The following POLQ variants were observed in gnomAD, a reference collection of about 807,000 sequenced individuals.
POLQ encodes DNA polymerase theta, also known as epididymis secretory sperm binding protein.
POLQ carries 233 observed loss-of-function variants against 259.2 expected under a neutral mutation model. The ratio of observed to expected loss-of-function variants is 0.90; its 90% CI spans 0.81 to 1.00. The LOEUF (loss-of-function observed/expected upper bound fraction) is 1.00, where lower values mean the gene tolerates loss of function less well. POLQ is among the 50% of genes least tolerant of loss of function. POLQ has a pLI of 0.00. For synonymous variants in POLQ, 1,025 were observed against 1,048.8 expected (o/e 0.98, Z 0.44); for missense variants, 2,871 against 3,051.6 (o/e 0.94, Z 1.39).
At chr3:121,490,576 T>C in intron 15 of POLQ, 168 bp from the exon 16 acceptor site, 1 of 630,484 alleles carries the variant, frequency 1.6e-6, no homozygotes, top group East Asian at 2.7e-5. Context: ...ATTCAGAAAA[T>C]AAACAAAAAG....
intron 26 of POLQ, among the ~76,000 whole-genome samples, chr3:121,446,082 T>C (rs1371231293): frequency 6.6e-6 from 1 of 152,146 alleles, no homozygotes; most frequent in Non-Finnish European, 1.5e-5. Context: ...CTTATAGCTA[T>C]AAACTTCCTT....
chr3:121,499,433 T>C (rs2048149496), intron 12 of POLQ, among the ~76,000 whole-genome samples: 1 of 152,126 alleles, frequency 6.6e-6, no homozygotes, highest in Non-Finnish European at 1.5e-5. Flanking sequence ...TTTAAATTTT[T>C]TTGGTGAAAC....
intron 20 of POLQ, 70 bp from the exon 21 acceptor site, chr3:121,473,557 A>C (rs1576409437): frequency 2.3e-6 from 3 of 1,331,282 alleles, no homozygotes; most frequent in East Asian, 2.3e-5. Flanking sequence ...AAATATTTTA[A>C]GTTATTTCAG....
At chr3:121,515,878 C>T (rs2048291002) in intron 9 of POLQ, among the ~76,000 whole-genome samples, 1 of 151,600 alleles carries the variant, frequency 6.6e-6, no homozygotes, top group Non-Finnish European at 1.5e-5. Context: ...GAATAATTAT[C>T]CTAAAAAAGT....
At chr3:121,472,977 A>G (rs2108790495) in intron 21 of POLQ, among the ~76,000 whole-genome samples, 1 of 152,356 alleles carries the variant, frequency 6.6e-6, no homozygotes, top group African/African-American at 2.4e-5. Context: ...TAATCCCAGC[A>G]CGTTGGGAGG....
chr3:121,460,736 A>C (rs2047784945), intron 24 of POLQ, among the ~76,000 whole-genome samples: 1 of 152,224 alleles, frequency 6.6e-6, no homozygotes, highest in Non-Finnish European at 1.5e-5. Context: ...GTGTGCCCTG[A>C]TTTGACAATA....
At chr3:121,469,720 C>T (rs997820591) in intron 22 of POLQ, among the ~76,000 whole-genome samples, 1 of 150,314 alleles carries the variant, frequency 6.7e-6, no homozygotes, top group African/African-American at 2.4e-5. Context: ...ACTGGCAGAC[C>T]AAAAAAAATG....
In POLQ at chr3:121,488,452, G is replaced by A. The variant is rs919710547; in HGVS notation, c.4479C>T (p.Ser1493=). Residue 1493 remains serine, a synonymous_variant, in exon 16 of 30, where the codon AGC becomes AGT. Transcript: ENST00000264233. ...CTTTTACTAGATAGTCATCACTGAA[G>A]CTATCAAATAGTAAACTATCACTCA... The part of the protein sequence containing the change: ...LNMSDSLLFD[S]FSDDYLVKEQ... The A allele has an allele frequency of 4.3e-6, 7 of 1,609,952 alleles. No homozygotes were observed. The highest frequency in any genetic ancestry group is 2.2e-5 in the East Asian group (1 of 44,838).
At chr3:121,516,783 C>G (rs1288939343) in intron 9 of POLQ, among the ~76,000 whole-genome samples, 1 of 152,142 alleles carries the variant, frequency 6.6e-6, no homozygotes. Context: ...AAAAGCATGA[C>G]CAAGTATTTA....
rs759527088 is a variant in POLQ, at chr3:121,460,221, C to G, written c.6981G>C (p.Leu2327=). ...GTTCAAGCTGAGAGTAGTCAGCAGC[C>G]AGTATTGAACCACCTGAAGTAGAAG... is the stretch of plus-strand genomic sequence containing the variant. ...AFVPFPGGSI[L]AADYSQLELR... is the part of the protein sequence containing the mutation. Residue 2327 remains leucine (L), a synonymous_variant, in exon 25 of 30, where the codon CTG becomes CTC. Coordinates refer to ENST00000264233, the MANE Select transcript of POLQ (RefSeq NM_199420.4). 6 of 1,611,840 alleles carry G rather than the reference C, an allele frequency of 3.7e-6. No homozygotes were observed. Among genetic ancestry groups the G allele is most frequent in the Non-Finnish European group, 5.1e-6 (6 of 1,177,990 alleles).
rs773326573 is a variant in POLQ, at chr3:121,487,833, CATT to C, written c.5095_5097del (p.Asn1699del). The C allele has an allele frequency of 1.2e-6, 2 of 1,608,764 alleles. No individual in the cohort carries two copies. Among genetic ancestry groups the C allele is most frequent in the Non-Finnish European group, 1.7e-6 (2 of 1,178,592 alleles). ...AGCATCTCAATCTTGCTTTTTACTT[CATT>C]ATTAGAAGAAAATGAAATTCCCTGC... On this transcript the variant is annotated inframe_deletion, in exon 16 of 30. Transcript: ENST00000264233.
intron 9 of POLQ, among the ~76,000 whole-genome samples, chr3:121,512,945 G>A (rs900615603): frequency 1.5e-4 from 23 of 152,082 alleles, no homozygotes; most frequent in African/African-American, 5.1e-4. Flanking sequence ...AGAACCAAAT[G>A]AACAAAAATA....
intron 27 of POLQ, among the ~76,000 whole-genome samples, chr3:121,436,931 G>A (rs562545334): frequency 1.8e-4 from 27 of 152,132 alleles, no homozygotes; most frequent in African/African-American, 6.3e-4. Flanking sequence ...GAAGAGTAGA[G>A]AAGGGAGTCT....
chr3:121,454,009 C>G (rs181778367), intron 25 of POLQ, among the ~76,000 whole-genome samples: 1 of 152,310 alleles, frequency 6.6e-6, no homozygotes, highest in Non-Finnish European at 1.5e-5. Flanking sequence ...CAAAGGGAAG[C>G]CCATCAGACT....
At chr3:121,453,442 G>A (rs1474328350) in intron 25 of POLQ, among the ~76,000 whole-genome samples, 2 of 152,178 alleles carry the variant, frequency 1.3e-5, no homozygotes, top group Non-Finnish European at 2.9e-5. Context: ...AAACTACTCC[G>A]AGCTACAGGA....
chr3:121,453,873 C>T (rs890500893), intron 25 of POLQ, among the ~76,000 whole-genome samples: 2 of 152,066 alleles, frequency 1.3e-5, no homozygotes, highest in East Asian at 1.9e-4. Context: ...TTCAGGAAAT[C>T]CAGAGAACGC....
chr3:121,519,909 A>T lies in POLQ; in HGVS notation c.1430T>A (p.Met477Lys). Residue 477 changes from methionine (M) to lysine (K), a missense_variant, in exon 9 of 30, where the codon ATG becomes AAG. Physicochemically the swap from Met to Lys is moderately conservative, Grantham distance 95. Transcript: ENST00000264233. The part of the protein sequence containing the change: ...RPLDILTYKQ[M>K]VGRAGRKGVD... ...TCCTTTCCTGCCAGCACGGCCAACCATCTGCTTATAAGTAAGAATATCTAG... is the reference window on the plus strand; with the variant it reads ...TCCTTTCCTGCCAGCACGGCCAACCTTCTGCTTATAAGTAAGAATATCTAG... The T allele has an allele frequency of 6.2e-7, 1 of 1,608,668 alleles. No individual in the cohort carries two copies. Among genetic ancestry groups the T allele is most frequent in the South Asian group, 1.1e-5 (1 of 90,958 alleles).
rs150364457 is a variant in POLQ, at chr3:121,449,320, T to C, written c.7259A>G (p.Tyr2420Cys). Residue 2420 changes from tyrosine (Y) to cysteine (C), a missense_variant, in exon 26 of 30, where the codon TAC becomes TGC. This residue lies in a region of POLQ where 2,080 missense variants were observed against 2,126.0 expected (regional missense o/e 0.98). Transcript: ENST00000264233. The part of the protein sequence containing the change: ...ACYIDSFKSR[Y>C]TGINQFMTET... ...CTATCTAGAAGATAAATTACCTGTG[T>C]ATCTGGATTTGAAGGAGTCAATATA... 619 of 1,425,062 alleles carry C rather than the reference T, an allele frequency of 4.3e-4. No homozygotes were observed. Among genetic ancestry groups the C allele is most frequent in the Non-Finnish European group, 5.0e-4 (506 of 1,008,018 alleles). 88.3% of individuals were successfully genotyped at this position (1,425,062 alleles called of 1,614,324 possible).
chr3:121,477,800 G>T (rs1156270147), intron 19 of POLQ, among the ~76,000 whole-genome samples: 1 of 152,066 alleles, frequency 6.6e-6, no homozygotes, highest in African/African-American at 2.4e-5. Context: ...AACATTATTT[G>T]AGGCACTGCT....
Sources: allele counts gnomAD v4.1 joint callset (sites outside exome capture counted in the v4.1 genomes callset), GRCh38; gene constraint gnomAD v4.1.1; regional missense constraint gnomAD v4.1.1; transcripts MANE v1.5; gene names NCBI Gene and HGNC (gene_info 2026-07-23, HGNC 2026-07-21).